SOX5: variants seen among roughly 807,000 people sequenced by gnomAD.
SOX5 encodes transcription factor SOX-5.
In SOX5, 9 loss-of-function variants were observed where a neutral mutation model predicts 92.0. That is an observed-to-expected ratio of 0.10 (90% CI 0.06 to 0.17). The LOEUF is 0.17. Ranked by LOEUF, SOX5 falls within the 10% of genes least tolerant of loss-of-function variation. SOX5 has a pLI of 1.00. For missense variants in SOX5, 642 were observed against 944.5 expected (o/e 0.68, Z 4.20); for synonymous variants, 344 against 336.3 (o/e 1.02, Z -0.25).
intron 4 of SOX5, among the ~76,000 whole-genome samples, chr12:24,091,402 GA>G (rs1263206632): frequency 1.3e-5 from 2 of 149,980 alleles, no homozygotes; most frequent in Non-Finnish European, 3.0e-5. Flanking sequence ...TAGAATTAAA[GA>G]AGCATAAAGT....
chr12:23,714,175 T>C (rs2092308415), intron 6 of SOX5, among the ~76,000 whole-genome samples: 1 of 152,202 alleles, frequency 6.6e-6, no homozygotes, highest in Admixed American at 6.5e-5. Flanking sequence ...ATCTGTATGA[T>C]ATTCCATGGT....
In SOX5 at chr12:23,665,477, G is replaced by A. The variant is rs771509855; in HGVS notation, c.898C>T (p.Leu300Phe). The change falls in exon 7 of 15, where the codon CTC (leucine) becomes TTC (phenylalanine). Residue 300 changes from leucine (L) to phenylalanine (F), a missense_variant. By Grantham distance (22) the Leu-to-Phe change is conservative. This residue lies in a region of SOX5 where 324 missense variants were observed against 461.6 expected (regional missense o/e 0.70). Coordinates refer to ENST00000451604, the MANE Select transcript of SOX5 (RefSeq NM_006940.6). ...GCCTTATAGCTGAAGCCTGGAGGGA[G>A]GAGGAATCCTTGCTGGGCAGCTGCA... Reference protein sequence around the residue: ...LAAAAQQGFLLPPGFSYKAGC... With the variant: ...LAAAAQQGFLFPPGFSYKAGC... The A allele has an allele frequency of 6.2e-7, 1 of 1,613,630 alleles. No individual in the cohort carries two copies. The highest frequency in any genetic ancestry group is 8.5e-7 in the Non-Finnish European group (1 of 1,179,650).
In SOX5 at chr12:23,801,282, T is replaced by C. The variant is rs1040691286; in HGVS notation, c.481+44701A>G. On this transcript the variant is annotated intron_variant, in intron 3 of 14. Coordinates refer to ENST00000451604, the MANE Select transcript of SOX5 (RefSeq NM_006940.6). ...CAGGGTGAAGGAAAAAGGGGACCAATAGAAGAGAAAGAAAAGGAGCCAAAG... is the reference window on the plus strand; with the variant it reads ...CAGGGTGAAGGAAAAAGGGGACCAACAGAAGAGAAAGAAAAGGAGCCAAAG... Among the ~76,000 whole-genome samples, 3 of 151,986 alleles carry C rather than the reference T, an allele frequency of 2.0e-5. No individual in the cohort carries two copies. The South Asian group carries it at 6.2e-4, about 32-fold the overall frequency.
chr12:24,006,729 CCTGT>C (rs1379945826), intron 4 of SOX5, among the ~76,000 whole-genome samples: 2 of 151,822 alleles, frequency 1.3e-5, no homozygotes, highest in African/African-American at 4.8e-5. Flanking sequence ...TTAGTCCTCA[CCTGT>C]CTTATTTATT....
intron 1 of SOX5, among the ~76,000 whole-genome samples, chr12:24,529,998 C>T (rs980275859): frequency 2.5e-5 from 3 of 119,004 alleles, no homozygotes; most frequent in African/African-American, 3.3e-5. Flanking sequence ...TCAGCCTGGG[C>T]GACAGAGCGA....
chr12:24,414,150 CATTA>C (rs1964604073), intron 1 of SOX5, among the ~76,000 whole-genome samples: 1 of 152,104 alleles, frequency 6.6e-6, no homozygotes, highest in Admixed American at 6.6e-5. Context: ...GGCTCAAATC[CATTA>C]ATTTTTTTTC....
At chr12:23,564,003 G>A (rs1278174901) in intron 10 of SOX5, among the ~76,000 whole-genome samples, 8 of 152,146 alleles carry the variant, frequency 5.3e-5, no homozygotes, top group Non-Finnish European at 1.2e-4. Flanking sequence ...ACTTGTAATA[G>A]TTAGGCTAAA....
At chr12:24,025,632 G>A (rs1285075980) in intron 4 of SOX5, among the ~76,000 whole-genome samples, 1 of 151,952 alleles carries the variant, frequency 6.6e-6, no homozygotes, top group African/African-American at 2.4e-5. Flanking sequence ...TTATTACAGG[G>A]AAGAGTAAAA....
At chr12:24,443,072 C>G (rs1410323462) in intron 1 of SOX5, among the ~76,000 whole-genome samples, 1 of 151,508 alleles carries the variant, frequency 6.6e-6, no homozygotes, top group Non-Finnish European at 1.5e-5. Context: ...CTGCCTCAGC[C>G]TCCCGAGTAG....
intron 1 of SOX5, among the ~76,000 whole-genome samples, chr12:23,934,475 TAA>T (rs1206179117): frequency 4.0e-5 from 6 of 148,876 alleles, no homozygotes; most frequent in African/African-American, 1.5e-4. Flanking sequence ...TATATATTTA[TAA>T]TATATATGTC....
At chr12:23,717,318 A>G (rs763723850) in intron 6 of SOX5, among the ~76,000 whole-genome samples, 4 of 152,226 alleles carry the variant, frequency 2.6e-5, no homozygotes, top group Admixed American at 6.5e-5. Context: ...TGTTGGTTAC[A>G]CACATTGCAA....
intron 1 of SOX5, among the ~76,000 whole-genome samples, chr12:24,425,128 T>C (rs1338623235): frequency 6.6e-6 from 1 of 152,162 alleles, no homozygotes; most frequent in Admixed American, 6.5e-5. Context: ...AGTTAGACTT[T>C]GTCATGGGAG....
intron 2 of SOX5, among the ~76,000 whole-genome samples, chr12:24,299,828 C>T (rs1293098283): frequency 1.3e-5 from 2 of 152,186 alleles, no homozygotes; most frequent in African/African-American, 4.8e-5. Context: ...AAATGTGTCT[C>T]CTCTGACATG....
In SOX5 at chr12:23,999,140, C is replaced by CTGTGTGTGTGTGTG. The variant is rs1384723605; in HGVS notation, c.-1-103130_-1-103117dup. On this transcript the variant is annotated intron_variant, in intron 4 of 4. Coordinates refer to the SOX5 transcript ENST00000446891. ...TTTATGAAAGTAAATAAAAAAGACT[C>CTGTGTGTGTGTGTG]TGTGTGTGTGTGTGTGTGTGTGTGT... 2.4e-3 allele frequency among the ~76,000 whole-genome samples: 343 copies of CTGTGTGTGTGTGTG among 141,380 alleles called. 3 individuals are homozygous for CTGTGTGTGTGTGTG. Among genetic ancestry groups the CTGTGTGTGTGTGTG allele is most frequent in the East Asian group, 0.015 (69 of 4,654 alleles). 92.8% of individuals were successfully genotyped at this position (141,380 alleles called of 152,430 possible). A position where few individuals can be genotyped will look rare whatever the true frequency, so the allele number is the denominator to read the frequency against.
chr12:23,995,384 T>A (rs2136303039), intron 4 of SOX5, among the ~76,000 whole-genome samples: 2 of 152,252 alleles, frequency 1.3e-5, no homozygotes, highest in Middle Eastern at 3.4e-3. Flanking sequence ...ATATCTCCTT[T>A]CTAACATGAA....
chr12:23,826,198 C>T (rs1285398720), intron 3 of SOX5, among the ~76,000 whole-genome samples: 2 of 149,972 alleles, frequency 1.3e-5, no homozygotes, highest in Admixed American at 6.6e-5. Context: ...CAACAGGCCC[C>T]GGTGTGTGAT....
At chr12:24,352,307 T>C (rs1954183686) in intron 2 of SOX5, among the ~76,000 whole-genome samples, 1 of 152,160 alleles carries the variant, frequency 6.6e-6, no homozygotes, top group African/African-American at 2.4e-5. Context: ...CTGAAAATTT[T>C]GGGAATAGAT....
At position 23,565,787 on chromosome 12, in the gene SOX5, T is replaced by C. The variant is rs924056321; in HGVS notation, c.1343-2384A>G. On this transcript the variant is annotated intron_variant, in intron 10 of 14. Coordinates refer to ENST00000451604, the MANE Select transcript of SOX5 (RefSeq NM_006940.6). Reference sequence around the variant, plus strand: ...GAAATGTTAACATTTGTATCTGCTATGTTAAATCATAAAGCCATGTATATA... The same window carrying C: ...GAAATGTTAACATTTGTATCTGCTACGTTAAATCATAAAGCCATGTATATA... Among the ~76,000 whole-genome samples, 5 of 152,248 alleles carry C rather than the reference T, an allele frequency of 3.3e-5. No individual in the cohort carries two copies. The East Asian group carries it at 7.7e-4, about 23-fold the overall frequency.
chr12:23,805,558 C>T (rs146978411), intron 3 of SOX5, among the ~76,000 whole-genome samples: 2 of 151,948 alleles, frequency 1.3e-5, no homozygotes, highest in Non-Finnish European at 2.9e-5. Flanking sequence ...TATTCCCAAC[C>T]ATTAAAAGAA....
Sources: gnomAD v4.1 joint callset for allele counts (sites outside exome capture counted in the v4.1 genomes callset) on GRCh38, gnomAD v4.1.1 for gene constraint, gnomAD v4.1.1 regional missense constraint, MANE v1.5 for transcripts, NCBI Gene and HGNC (gene_info 2026-07-23, HGNC 2026-07-21) for gene names.